Variants in PDE1C observed in about 807,000 individuals in gnomAD.
The protein encoded by PDE1C is phosphodiesterase 1C.
A neutral mutation model predicts 93.1 loss-of-function variants in PDE1C; 62 were observed. That is an observed-to-expected ratio of 0.67 (90% CI 0.54 to 0.82). The LOEUF is 0.82. Among genes scored for constraint, PDE1C ranks in the 40% least tolerant of loss-of-function variants. The pLI, the probability that PDE1C is intolerant of heterozygous loss-of-function variation, is 0.00. For synonymous variants in PDE1C, 325 were observed against 310.1 expected (o/e 1.05, Z -0.50); for missense variants, 742 against 884.6 (o/e 0.84, Z 2.04).
At chr7:32,116,743 C>T (rs181996164) in intron 3 of PDE1C, among the ~76,000 whole-genome samples, 27 of 152,228 alleles carry the variant, frequency 1.8e-4, no homozygotes, top group African/African-American at 6.0e-4. Flanking sequence ...GACCTGAAAG[C>T]CTTGTCAGTC....
intron 2 of PDE1C, among the ~76,000 whole-genome samples, chr7:31,926,708 G>A (rs1206475923): frequency 6.6e-6 from 1 of 152,182 alleles, no homozygotes; most frequent in Non-Finnish European, 1.5e-5. Context: ...CCCTCCTCTA[G>A]CCAAGGGAAG....
At chr7:32,275,766 T>C (rs1445721522) in intron 1 of PDE1C, among the ~76,000 whole-genome samples, 1 of 152,194 alleles carries the variant, frequency 6.6e-6, no homozygotes, top group African/African-American at 2.4e-5. Flanking sequence ...TAGTTCCCCT[T>C]GTGGTTCATT....
At chr7:32,331,750 G>A (rs577813577) in intron 1 of PDE1C, among the ~76,000 whole-genome samples, 2 of 152,218 alleles carry the variant, frequency 1.3e-5, no homozygotes, top group South Asian at 2.1e-4. Flanking sequence ...TTGGGGAGGA[G>A]AGAAAAAGGG....
chr7:32,100,874 A>C (rs879471297), intron 3 of PDE1C, among the ~76,000 whole-genome samples: 9 of 152,292 alleles, frequency 5.9e-5, no homozygotes, highest in Admixed American at 2.0e-4. Context: ...AAAAAAAAGA[A>C]CTGGACAAAC....
intron 2 of PDE1C, among the ~76,000 whole-genome samples, chr7:31,948,132 A>G (rs1806861510): frequency 6.6e-6 from 1 of 152,184 alleles, no homozygotes; most frequent in South Asian, 2.1e-4. Flanking sequence ...TGGAACTTTT[A>G]AGCAACTCTG....
intron 1 of PDE1C, among the ~76,000 whole-genome samples, chr7:32,383,137 T>C (rs1784563261): frequency 6.6e-6 from 1 of 152,238 alleles, no homozygotes; most frequent in Non-Finnish European, 1.5e-5. Flanking sequence ...TTTGAACAGA[T>C]AATCACGCTC....
At chr7:32,355,792 A>C (rs1784019550) in intron 1 of PDE1C, among the ~76,000 whole-genome samples, 1 of 152,236 alleles carries the variant, frequency 6.6e-6, no homozygotes, top group South Asian at 2.1e-4. Context: ...GAAGGGACTC[A>C]ACAAATGGCG....
At chr7:32,411,605 A>C (rs1234583518) in intron 1 of PDE1C, among the ~76,000 whole-genome samples, 1 of 152,214 alleles carries the variant, frequency 6.6e-6, no homozygotes, top group Non-Finnish European at 1.5e-5. Context: ...ATGGGGAGTG[A>C]ATGGGAAGGC....
intron 2 of PDE1C, among the ~76,000 whole-genome samples, chr7:31,934,685 T>C (rs1804788635): frequency 6.6e-6 from 1 of 152,184 alleles, no homozygotes; most frequent in African/African-American, 2.4e-5. Flanking sequence ...AGTTATCTGA[T>C]TTGTGGTACG....
chr7:31,794,359 C>T (rs1328546293), intron 16 of PDE1C, among the ~76,000 whole-genome samples: 1 of 151,926 alleles, frequency 6.6e-6, no homozygotes, highest in African/African-American at 2.4e-5. Flanking sequence ...TTAGGTCCAA[C>T]CCTTTCCCTC....
chr7:31,967,789 C>T (rs554877989), intron 2 of PDE1C, among the ~76,000 whole-genome samples: 2 of 152,290 alleles, frequency 1.3e-5, no homozygotes, highest in East Asian at 3.9e-4. Context: ...CCCTGGGATG[C>T]AAGGCTGGTT....
the PDE1C span, among the ~76,000 whole-genome samples, chr7:31,637,186 G>A: frequency 0.16 from 23,811 of 151,656 alleles, 2,332 homozygotes; most frequent in Non-Finnish European, 0.2. Flanking sequence ...GAATAGTGCC[G>A]CAATAAACAT....
At chr7:32,254,377 G>A (rs1809631255) in intron 1 of PDE1C, among the ~76,000 whole-genome samples, 1 of 152,154 alleles carries the variant, frequency 6.6e-6, no homozygotes, top group Admixed American at 6.5e-5. Flanking sequence ...ACATTCATGA[G>A]AAGGCACAGA....
intron 1 of PDE1C, among the ~76,000 whole-genome samples, chr7:32,359,672 T>C (rs556040339): frequency 1.3e-5 from 2 of 152,372 alleles, no homozygotes; most frequent in East Asian, 3.9e-4. Flanking sequence ...TTTTACCTTA[T>C]TTAAATATAA....
In PDE1C at chr7:32,366,897, C is replaced by T. The variant is rs535784826; in HGVS notation, c.310+60925G>A. The stretch of plus-strand genomic sequence containing the variant: ...AAAAAAAATTAGCCAGGCATGGTGG[C>T]GGGTGCCTGTAGTCCCAGCTACTTG... On this transcript the variant is annotated intron_variant, in intron 1 of 1. Transcript: ENST00000672256. Among the ~76,000 whole-genome samples, 530 of 148,070 alleles carry T rather than the reference C, an allele frequency of 3.6e-3. 5 individuals carry two copies. The highest frequency in any genetic ancestry group is 0.012 in the African/African-American group (494 of 39,840).
chr7:31,788,767 C>T (rs750806628), intron 16 of PDE1C: 8 of 152,228 alleles, frequency 5.3e-5, no homozygotes, highest in Admixed American at 5.2e-4. Flanking sequence ...AGTGTTTCTC[C>T]AAGGCAAAAT....
chr7:31,712,087 C>A, the PDE1C span, among the ~76,000 whole-genome samples: 2 of 152,230 alleles, frequency 1.3e-5, no homozygotes, highest in Non-Finnish European at 2.9e-5. Context: ...GATCACAAGC[C>A]ATGCTAATCT....
intron 1 of PDE1C, among the ~76,000 whole-genome samples, chr7:32,298,409 G>A (rs1812764105): frequency 6.6e-6 from 1 of 152,076 alleles, no homozygotes; most frequent in Non-Finnish European, 1.5e-5. Flanking sequence ...GAGGTGTGAT[G>A]CTGAAAACCA....
At chr7:31,964,896 C>A (rs1384372298) in intron 2 of PDE1C, among the ~76,000 whole-genome samples, 1 of 152,174 alleles carries the variant, frequency 6.6e-6, no homozygotes, top group Non-Finnish European at 1.5e-5. Context: ...AGCTGAGGGT[C>A]CTGACTGTTA....
Sources: gnomAD v4.1 joint callset for allele counts (sites outside exome capture counted in the v4.1 genomes callset) on GRCh38, gnomAD v4.1.1 for gene constraint, MANE v1.5 for transcripts, NCBI Gene and HGNC (gene_info 2026-07-23, HGNC 2026-07-21) for gene names.